Variants in TSHR observed in about 807,000 individuals in gnomAD.
TSHR encodes the protein thyroid stimulating hormone receptor.
A neutral mutation model predicts 64.1 loss-of-function variants in TSHR; 51 were observed. That is an observed-to-expected ratio of 0.80 (90% CI 0.64 to 1.01). TSHR has a LOEUF of 1.01. TSHR is among the 50% of genes least tolerant of loss of function. The probability of loss-of-function intolerance (pLI) is 0.00; values close to 1 mark genes in which losing one functional copy is unlikely to be tolerated. For missense variants in TSHR, 877 were observed against 942.8 expected, an observed-to-expected ratio of 0.93 and a Z score of 0.91; for synonymous variants, 361 against 361.9, an observed-to-expected ratio of 1.00 and a Z score of 0.03.
rs563104864 is a variant in TSHR, at chr14:81,000,612, C to G, written c.170+44762C>G. On this transcript the variant is annotated intron_variant, in intron 1 of 9. Transcript: ENST00000298171. ...TCTTCATGGGTCGCAGTCAGACTCC[C>G]ATTCTCTCTTTCCCTCCACGTCAGC... Among the ~76,000 whole-genome samples the G allele has an allele frequency of 4.6e-5, 7 of 151,866 alleles. No individual in the cohort carries two copies. The South Asian group carries it at 1.5e-3, about 32-fold the overall frequency.
In TSHR at chr14:81,144,240, A is replaced by T; in HGVS notation, c.2182A>T (p.Met728Leu). Residue 728 changes from methionine to leucine, a missense_variant, in exon 10 of 10, where the codon ATG (methionine) becomes TTG (leucine). Physicochemically the swap from Met to Leu is conservative, Grantham distance 15. Transcript: ENST00000298171. ...TCAGGTTCAAAAGGTTACCCACGAG[A>T]TGAGGCAGGGTCTCCACAACATGGA... ...DIQVQKVTHE[M>L]RQGLHNMEDV... 5 of 1,613,572 alleles carry T rather than the reference A, an allele frequency of 3.1e-6. No individual in the cohort carries two copies. Among genetic ancestry groups the T allele is most frequent in the Non-Finnish European group, 4.2e-6 (5 of 1,179,662 alleles).
At chr14:81,012,746 G>A (rs1889985748) in intron 1 of TSHR, 1 of 151,712 alleles carries the variant, frequency 6.6e-6, no homozygotes, top group South Asian at 2.1e-4. Context: ...CTTCTTTTGA[G>A]AAGTGTCTGT....
intron 2 of TSHR, 70 bp from the exon 3 acceptor site, chr14:81,068,183 CA>C: frequency 6.8e-7 from 1 of 1,476,298 alleles, no homozygotes. Flanking sequence ...AAAGTTATGT[CA>C]AAAATAGTAT....
At chr14:80,960,979 A>G (rs765496082) in intron 1 of TSHR, among the ~76,000 whole-genome samples, 2 of 152,196 alleles carry the variant, frequency 1.3e-5, no homozygotes, top group African/African-American at 2.4e-5. Context: ...TAAATATCCT[A>G]CCTGGGAGTA....
chr14:81,031,700 C>T (rs1884357000), intron 1 of TSHR, among the ~76,000 whole-genome samples: 1 of 152,186 alleles, frequency 6.6e-6, no homozygotes, highest in Non-Finnish European at 1.5e-5. Flanking sequence ...ACCAGCCTGG[C>T]ACTTTGCCCA....
rs2140110382 is a variant in TSHR at position 81,143,296 on chromosome 14, G to A, written c.1238G>A (p.Gly413Asp). Residue 413 changes from glycine (G) to aspartate (D), a missense_variant, in exon 10 of 10, where the codon GGC becomes GAC. Transcript: ENST00000298171. ...DEFNPCEDIM[G>D]YKFLRIVVWF... The stretch of plus-strand genomic sequence containing the variant: ...TTCAACCCGTGTGAAGACATAATGG[G>A]CTACAAGTTCCTGAGAATTGTGGTG... 1.2e-6 allele frequency: 2 copies of A among 1,614,136 alleles called. No homozygotes were observed. The highest frequency in any genetic ancestry group is 1.7e-6 in the Non-Finnish European group (2 of 1,180,036).
At chr14:81,042,660 G>A (rs1884978922) in intron 1 of TSHR, among the ~76,000 whole-genome samples, 1 of 151,608 alleles carries the variant, frequency 6.6e-6, no homozygotes, top group South Asian at 2.1e-4. Flanking sequence ...GGAGGATGGG[G>A]AGAGATTAGT....
At chr14:81,137,787 A>C (rs1891513353) in intron 8 of TSHR, among the ~76,000 whole-genome samples, 1 of 152,284 alleles carries the variant, frequency 6.6e-6, no homozygotes, top group Admixed American at 6.5e-5. Flanking sequence ...TATGTATTAA[A>C]ATGCAAACAC....
At chr14:81,091,318 G>A (rs886375815) in intron 5 of TSHR, among the ~76,000 whole-genome samples, 175 bp downstream of exon 5, 1 of 152,176 alleles carries the variant, frequency 6.6e-6, no homozygotes, top group African/African-American at 2.4e-5. Context: ...ATAACCACTG[G>A]CTTTAGCAAT....
In TSHR at chr14:81,027,879, A is replaced by C. The variant is rs182222364; in HGVS notation, c.171-34269A>C. Among the ~76,000 whole-genome samples, 825 of 152,268 alleles carry C rather than the reference A, an allele frequency of 5.4e-3. 10 individuals are homozygous for C. Among genetic ancestry groups the C allele is most frequent in the Middle Eastern group, 0.031 (9 of 294 alleles). ...TAACAAAAATCAGGAGCGAGAGGGA[A>C]ATGAAAATGGGAGATAATTTAAGTA... On this transcript the variant is annotated intron_variant, in intron 1 of 9. Transcript: ENST00000298171.
chr14:80,998,260 G>A (rs1889127468), intron 1 of TSHR, among the ~76,000 whole-genome samples: 1 of 152,026 alleles, frequency 6.6e-6, no homozygotes, highest in Non-Finnish European at 1.5e-5. Flanking sequence ...TAAGAGTATT[G>A]GGGCAGGCAA....
Position 81,139,669 on chromosome 14 carries a change from T to C in TSHR, c.693-10T>C, listed in dbSNP as rs760106694. The C allele has an allele frequency of 5.6e-6, 9 of 1,613,726 alleles. No individual in the cohort carries two copies. The highest frequency in any genetic ancestry group is 6.8e-6 in the Non-Finnish European group (8 of 1,180,052). Reference sequence around the variant, plus strand: ...TGCCTCTCTGCATTTTTCTGTTCTCTGCCTCCCAGGGACGTGTCTCAAACC... The same window carrying C: ...TGCCTCTCTGCATTTTTCTGTTCTCCGCCTCCCAGGGACGTGTCTCAAACC... On this transcript the variant is annotated splice_polypyrimidine_tract_variant and intron_variant, in intron 8 of 9. Transcript: ENST00000298171.
intron 1 of TSHR, among the ~76,000 whole-genome samples, chr14:81,054,450 G>GT (rs1253717281): frequency 6.6e-6 from 1 of 152,220 alleles, no homozygotes; most frequent in Admixed American, 6.5e-5. Context: ...TTGGAACTGG[G>GT]TAACAGGCAG....
chr14:81,114,554 T>C (rs1221934130), intron 8 of TSHR, among the ~76,000 whole-genome samples: 1 of 152,108 alleles, frequency 6.6e-6, no homozygotes, highest in Non-Finnish European at 1.5e-5. Context: ...CCCTGATTGC[T>C]AGCACAGCAG....
intron 1 of TSHR, among the ~76,000 whole-genome samples, chr14:80,986,627 C>T (rs1888465587): frequency 6.6e-6 from 1 of 152,120 alleles, no homozygotes; most frequent in African/African-American, 2.4e-5. Flanking sequence ...GCTGAGATTA[C>T]AGGCGCCCAC....
At chr14:81,120,455 G>C (rs1890743694) in intron 8 of TSHR, among the ~76,000 whole-genome samples, 1 of 152,114 alleles carries the variant, frequency 6.6e-6, no homozygotes, top group Non-Finnish European at 1.5e-5. Context: ...AAATGGGATT[G>C]TTTTCTTTGT....
At chr14:81,038,570 C>T (rs923602743) in intron 1 of TSHR, among the ~76,000 whole-genome samples, 1 of 150,372 alleles carries the variant, frequency 6.7e-6, no homozygotes, top group Admixed American at 6.6e-5. Context: ...AAAAGATAAA[C>T]TAAATTGACA....
In TSHR at chr14:80,997,424, C is replaced by T. The variant is rs148137992; in HGVS notation, c.170+41574C>T. Among the ~76,000 whole-genome samples, 216 of 152,252 alleles carry T rather than the reference C, an allele frequency of 1.4e-3. 3 individuals are homozygous for T. Among genetic ancestry groups the T allele is most frequent in the African/African-American group, 4.7e-3 (197 of 41,552 alleles). On this transcript the variant is annotated intron_variant, in intron 1 of 9. Transcript: ENST00000298171. ...AAACAAGCAATTAAGGGAACTAAAGCTTACAAAATGTAAAGGATTTTTCTA... is the reference window on the plus strand; with the variant it reads ...AAACAAGCAATTAAGGGAACTAAAGTTTACAAAATGTAAAGGATTTTTCTA...
At chr14:81,068,461 A>T in intron 3 of TSHR, 133 bp downstream of exon 3, 1 of 771,362 alleles carries the variant, frequency 1.3e-6, no homozygotes, top group East Asian at 2.7e-5. Context: ...TTAAATTATT[A>T]ACCTGTTCTC....
Sources: gnomAD v4.1 joint callset for allele counts (sites outside exome capture counted in the v4.1 genomes callset) on GRCh38, gnomAD v4.1.1 for gene constraint, MANE v1.5 for transcripts, NCBI Gene and HGNC (gene_info 2026-07-23, HGNC 2026-07-21) for gene names.